Variants in NAA35 observed in about 807,000 individuals in gnomAD.
The protein encoded by NAA35 is MAK10 homolog, amino-acid N-acetyltransferase subunit.
A neutral mutation model predicts 101.7 loss-of-function variants in NAA35; 18 were observed. That is an observed-to-expected ratio of 0.18 (90% CI 0.12 to 0.26). The LOEUF is 0.26. NAA35 is among the 10% of genes least tolerant of loss of function. The pLI is 1.00. For synonymous variants in NAA35, 267 were observed against 273.1 expected (o/e 0.98, Z 0.22); for missense variants, 601 against 886.8 (o/e 0.68, Z 4.09).
rs1222335201 is a variant in NAA35 at position 86,022,907 on chromosome 9, C to T, written c.*947C>T. Among the ~76,000 whole-genome samples, 2 of 152,116 alleles carry T rather than the reference C, an allele frequency of 1.3e-5. No homozygotes were observed. Among genetic ancestry groups the T allele is most frequent in the African/African-American group, 4.8e-5 (2 of 41,408 alleles). On this transcript the variant is annotated 3_prime_UTR_variant, in exon 23 of 23. Transcript: ENST00000361671. The stretch of plus-strand genomic sequence containing the variant: ...TTTTTGTCCTCTGTAGCAGGCAATA[C>T]TCTTAGCAAAATGAGTTACTCTGTG...
At chr9:85,966,410 A>G (rs939479543) in intron 6 of NAA35, among the ~76,000 whole-genome samples, 12 of 152,238 alleles carry the variant, frequency 7.9e-5, no homozygotes, top group African/African-American at 2.9e-4. Flanking sequence ...ATAAAGTACA[A>G]CACTCAGGCC....
chr9:85,992,975 A>G (rs1050616296), intron 11 of NAA35, among the ~76,000 whole-genome samples: 1 of 152,220 alleles, frequency 6.6e-6, no homozygotes, highest in Admixed American at 6.5e-5. Flanking sequence ...TCAAAGCAAA[A>G]TAGATCAATA....
chr9:85,955,360 A>ATATATATATTTTTTTTT (rs749448250), intron 2 of NAA35, among the ~76,000 whole-genome samples: 1 of 53,932 alleles, frequency 1.9e-5, no homozygotes, highest in African/African-American at 7.7e-5. Flanking sequence ...ATATATATAT[A>ATATATATATTTTTTTTT]TTTTTTTTTT....
intron 9 of NAA35, among the ~76,000 whole-genome samples, 200 bp downstream of exon 9, chr9:85,976,935 C>G (rs112276753): frequency 1.3e-5 from 2 of 152,240 alleles, no homozygotes; most frequent in African/African-American, 4.8e-5. Context: ...GATTTCAAAA[C>G]TCTTCAGTAT....
At position 85,975,901 on chromosome 9, in the gene NAA35, C is replaced by T. The variant is rs371062520; in HGVS notation, c.627+744C>T. On this transcript the variant is annotated intron_variant, in intron 8 of 22. Transcript: ENST00000361671. ...GTGATATCCCAAATCTGGTGAAAAC[C>T]TTCTAGATGACCTTGATGATTTGCT... Among the ~76,000 whole-genome samples the T allele has an allele frequency of 5.2e-4, 79 of 152,242 alleles. 1 individual carries two copies. The East Asian group carries it at 9.8e-3, about 19-fold the overall frequency.
chr9:85,954,620 A>C (rs533730575), intron 2 of NAA35, among the ~76,000 whole-genome samples: 14 of 152,220 alleles, frequency 9.2e-5, no homozygotes, highest in African/African-American at 3.1e-4. Flanking sequence ...ATTGAAGAAA[A>C]TTTTTGTCTT....
chr9:86,016,350 A>T (rs1264958735), intron 17 of NAA35, among the ~76,000 whole-genome samples, 189 bp from the exon 18 acceptor site: 2 of 152,210 alleles, frequency 1.3e-5, no homozygotes, highest in Non-Finnish European at 2.9e-5. Context: ...TCTTCTGGAA[A>T]GTTGTAAAAT....
Position 85,942,189 on chromosome 9 carries a change from C to G in NAA35, c.30C>G (p.Asp10Glu), listed in dbSNP as rs148048804. Residue 10 changes from aspartate to glutamate, a missense_variant, in exon 2 of 23, where the codon GAC (aspartate) becomes GAG (glutamate). By Grantham distance (45) the Asp-to-Glu change is conservative. Coordinates refer to ENST00000361671, the MANE Select transcript of NAA35 (RefSeq NM_024635.4). MVMKASVDDDDSGWELSMPE... is the reference protein window; with the variant it reads MVMKASVDDEDSGWELSMPE... ...TTATGAAAGCTTCTGTAGATGATGA[C>G]GATTCAGGATGGGAGCTCAGTATGC... The G allele has an allele frequency of 6.3e-5, 101 of 1,613,892 alleles. No homozygotes were observed. Among genetic ancestry groups the G allele is most frequent in the Non-Finnish European group, 7.8e-5 (92 of 1,179,992 alleles).
In NAA35 at chr9:85,978,269, C is replaced by T. The variant is rs1222360856; in HGVS notation, c.765C>T (p.Thr255=). The change falls in exon 11 of 23, where the codon ACC becomes ACT. Residue 255 remains threonine (T), a splice_region_variant and synonymous_variant. Coordinates refer to ENST00000361671, the MANE Select transcript of NAA35 (RefSeq NM_024635.4). ...GTTTTTGGTGATTTATTTGCTAGACCAGTGCTGTTGCAGAAGCTCAAAAAT... is the reference window on the plus strand; with the variant it reads ...GTTTTTGGTGATTTATTTGCTAGACTAGTGCTGTTGCAGAAGCTCAAAAAT... The part of the protein sequence containing the change: ...TVLIAFTKKE[T]SAVAEAQKLM... 6.3e-7 allele frequency: 1 copy of T among 1,591,252 alleles called. No homozygotes were observed. Among genetic ancestry groups the T allele is most frequent in the Non-Finnish European group, 8.6e-7 (1 of 1,159,720 alleles).
rs185282748 is a variant in NAA35 at position 86,019,835 on chromosome 9, T to C, written c.2037+1014T>C. Among the ~76,000 whole-genome samples the C allele has an allele frequency of 1.3e-3, 192 of 152,244 alleles. 4 individuals are homozygous for C. In the South Asian group the frequency reaches 0.033, roughly 26 times the overall value. On this transcript the variant is annotated intron_variant, in intron 21 of 22. Transcript: ENST00000361671. ...ATTTATATAGAGACATGAACACATATAGGAAGTGAGAGTGACGAATATAAG... is the reference window on the plus strand; with the variant it reads ...ATTTATATAGAGACATGAACACATACAGGAAGTGAGAGTGACGAATATAAG...
chr9:86,000,616 C>A (rs536569531), intron 12 of NAA35, among the ~76,000 whole-genome samples: 2 of 151,930 alleles, frequency 1.3e-5, no homozygotes, highest in Admixed American at 1.3e-4. Flanking sequence ...TTCTTCCTGG[C>A]TCAGTCTTGG....
At chr9:85,953,583 G>A (rs1829115101) in intron 2 of NAA35, among the ~76,000 whole-genome samples, 1 of 152,046 alleles carries the variant, frequency 6.6e-6, no homozygotes, top group Non-Finnish European at 1.5e-5. Context: ...CCACCACCAT[G>A]CCTGGCTACT....
intron 17 of NAA35, 136 bp from the exon 18 acceptor site, chr9:86,016,403 T>C (rs1365199251): frequency 1.5e-6 from 1 of 678,940 alleles, no homozygotes; most frequent in African/African-American, 1.8e-5. Context: ...TCTTGTAAGA[T>C]CTAATCTATT....
intron 3 of NAA35, among the ~76,000 whole-genome samples, chr9:85,957,939 A>AT (rs1271540563): frequency 6.8e-6 from 1 of 147,060 alleles, no homozygotes; most frequent in South Asian, 2.2e-4. Flanking sequence ...CATCTTATAT[A>AT]TTTTCTTTTT....
chr9:85,962,260 G>A (rs992939956), intron 6 of NAA35, 80 bp downstream of exon 6: 1 of 1,379,322 alleles, frequency 7.2e-7, no homozygotes, highest in South Asian at 1.3e-5. Context: ...GGAGGCCAAG[G>A]TGGGCAGATC....
In NAA35 at chr9:85,978,141, G is replaced by A. The variant is rs775511392; in HGVS notation, c.763-126G>A. 25 of 648,372 alleles carry A rather than the reference G, an allele frequency of 3.9e-5. No homozygotes were observed. The Middle Eastern group carries it at 9.2e-4, about 24-fold the overall frequency. 40.2% of individuals were successfully genotyped at this position (648,372 alleles called of 1,614,324 possible). On this transcript the variant is annotated intron_variant, in intron 10 of 22. Transcript: ENST00000361671. ...CTGGACATCCTGTATTAAGTGCATA[G>A]TTTATGAAAACCAATGTCATTACAG...
chr9:85,967,402 C>T (rs564997249), intron 6 of NAA35, among the ~76,000 whole-genome samples: 1 of 152,154 alleles, frequency 6.6e-6, no homozygotes, highest in South Asian at 2.1e-4. Flanking sequence ...CCAAAAGATT[C>T]TGTTTTCTTC....
intron 2 of NAA35, among the ~76,000 whole-genome samples, chr9:85,950,923 G>T (rs1382528794): frequency 6.6e-6 from 1 of 152,100 alleles, no homozygotes; most frequent in East Asian, 1.9e-4. Flanking sequence ...GATTACTGGA[G>T]GTCAGGAGTT....
At chr9:85,999,906 G>A (rs1004001178) in intron 12 of NAA35, among the ~76,000 whole-genome samples, 3 of 151,974 alleles carry the variant, frequency 2.0e-5, no homozygotes, top group Non-Finnish European at 4.4e-5. Flanking sequence ...TTAGCATTTC[G>A]GTGTATTTTG....
Sources: gnomAD v4.1 joint callset for allele counts (sites outside exome capture counted in the v4.1 genomes callset) on GRCh38, gnomAD v4.1.1 for gene constraint, MANE v1.5 for transcripts, NCBI Gene and HGNC (gene_info 2026-07-23, HGNC 2026-07-21) for gene names.